The following TSPAN15 variants were observed in gnomAD, a reference collection of about 807,000 sequenced individuals.
The protein encoded by TSPAN15 is tetraspanin 15.
A neutral mutation model predicts 34.5 loss-of-function variants in TSPAN15; 20 were observed. That is an observed-to-expected ratio of 0.58 (90% confidence interval 0.41 to 0.84). The LOEUF (loss-of-function observed/expected upper bound fraction) is 0.84. Ranked by LOEUF, TSPAN15 falls within the 40% of genes least tolerant of loss-of-function variation. The probability of loss-of-function intolerance (pLI) is 0.00; values close to 1 mark genes in which losing one functional copy is unlikely to be tolerated. For missense variants in TSPAN15, 313 were observed against 386.1 expected (o/e 0.81, Z 1.59); for synonymous variants, 155 against 153.9 (o/e 1.01, Z -0.05).
the TSPAN15 span, among the ~76,000 whole-genome samples, chr10:69,539,545 G>A: frequency 0.29 from 16,724 of 58,650 alleles, 2,306 homozygotes; most frequent in East Asian, 0.38. Context: ...GAAGGAGAAG[G>A]AGAAGGAGAA....
the TSPAN15 span, among the ~76,000 whole-genome samples, chr10:69,520,655 CA>C: frequency 6.6e-6 from 1 of 152,054 alleles, no homozygotes; most frequent in Admixed American, 6.5e-5. Flanking sequence ...GACCTTGTCT[CA>C]AAAACAAACA....
At chr10:69,484,183 A>G (rs1232322616) in intron 2 of TSPAN15, 1 of 264,362 alleles carries the variant, frequency 3.8e-6, no homozygotes, top group Admixed American at 4.8e-5. Flanking sequence ...GATGGTAGTG[A>G]GTCATTAGCT....
chr10:69,454,777 A>G (rs1047537223), intron 1 of TSPAN15, among the ~76,000 whole-genome samples: 1 of 152,200 alleles, frequency 6.6e-6, no homozygotes. Context: ...AGATTGTGCC[A>G]CTGCACTCCA....
At chr10:69,545,422 C>T in the TSPAN15 span, among the ~76,000 whole-genome samples, 2 of 152,180 alleles carry the variant, frequency 1.3e-5, no homozygotes, top group Non-Finnish European at 2.9e-5. Flanking sequence ...CAGGGGCACC[C>T]CTAAGTCCTC....
intron 1 of TSPAN15, among the ~76,000 whole-genome samples, chr10:69,482,614 T>G (rs1841757606): frequency 6.6e-6 from 1 of 152,168 alleles, no homozygotes; most frequent in South Asian, 2.1e-4. Context: ...TTGTAGTGTT[T>G]CCACATTCAT....
chr10:69,462,155 G>GTTTTTTTTTTTTTTT (rs755068937), intron 1 of TSPAN15, among the ~76,000 whole-genome samples: 8 of 82,704 alleles, frequency 9.7e-5, no homozygotes, highest in East Asian at 3.2e-4. Flanking sequence ...TAATTTTAAA[G>GTTTTTTTTTTTTTTT]TTTTTTTTTT....
chr10:69,502,117 TCAGCAGAACATAC>T lies in TSPAN15; in HGVS notation c.571-2304_571-2292del, dbSNP rs531986142. ...ACATGGTCTGTTACATTGTTACTGT[TCAGCAGAACATAC>T]CAGCAGAACATACCAGTTCTTCAGG... On this transcript the variant is annotated intron_variant, in intron 5 of 7. Coordinates refer to ENST00000373290, the MANE Select transcript of TSPAN15 (RefSeq NM_012339.5). Among the ~76,000 whole-genome samples, 407 of 152,254 alleles carry T rather than the reference TCAGCAGAACATAC, an allele frequency of 2.7e-3. 2 individuals carry two copies. Among genetic ancestry groups the T allele is most frequent in the Non-Finnish European group, 4.4e-3 (300 of 68,020 alleles).
At position 69,498,278 on chromosome 10, in the gene TSPAN15, A is replaced by G. The variant is rs1368551899; in HGVS notation, c.454-2A>G. The G allele has an allele frequency of 6.2e-7, 1 of 1,613,628 alleles. No homozygotes were observed. ...CTCCTCTTTCCTGCTTGCTTCCCTCAGTTCAAGTGCTGTGGCGGGGAGGAC... is the reference window on the plus strand; with the variant it reads ...CTCCTCTTTCCTGCTTGCTTCCCTCGGTTCAAGTGCTGTGGCGGGGAGGAC... On this transcript the variant is annotated splice_acceptor_variant, in intron 4 of 7. Coordinates refer to ENST00000373290, the MANE Select transcript of TSPAN15 (RefSeq NM_012339.5). LOFTEE classifies it high-confidence loss of function.
the TSPAN15 span, among the ~76,000 whole-genome samples, chr10:69,530,820 C>CTATATATATA: frequency 8.8e-4 from 27 of 30,776 alleles, no homozygotes; most frequent in Non-Finnish European, 1.2e-3. Flanking sequence ...CTCTCTCTCT[C>CTATATATATA]TATATATATA....
At chr10:69,498,440 C>A (rs1842136030) in intron 5 of TSPAN15, 44 bp downstream of exon 5, 5 of 1,514,468 alleles carry the variant, frequency 3.3e-6, no homozygotes, top group African/African-American at 1.4e-5. Flanking sequence ...TCGGGGACCC[C>A]AGGTGGTATA....
chr10:69,460,815 G>A (rs1841235978), intron 1 of TSPAN15, among the ~76,000 whole-genome samples: 1 of 152,134 alleles, frequency 6.6e-6, no homozygotes. Flanking sequence ...GAGAGGGAGG[G>A]CGGGCTACAG....
At chr10:69,502,220 G>A (rs550568879) in intron 5 of TSPAN15, among the ~76,000 whole-genome samples, 33 of 152,172 alleles carry the variant, frequency 2.2e-4, no homozygotes, top group Non-Finnish European at 3.8e-4. Flanking sequence ...TCCAATAGAG[G>A]ATTTGAGCCA....
chr10:69,480,611 CTTTT>C (rs1316405089), intron 1 of TSPAN15, among the ~76,000 whole-genome samples: 1 of 152,154 alleles, frequency 6.6e-6, no homozygotes, highest in African/African-American at 2.4e-5. Flanking sequence ...CCTCAGGGCT[CTTTT>C]ATTTGTCCAG....
the TSPAN15 span, among the ~76,000 whole-genome samples, chr10:69,539,175 C>T: frequency 1.3e-5 from 2 of 151,844 alleles, no homozygotes; most frequent in Non-Finnish European, 2.9e-5. Context: ...TGTATGTTCT[C>T]ATGTATAGGT....
At chr10:69,546,827 C>G in the TSPAN15 span, among the ~76,000 whole-genome samples, 2 of 152,112 alleles carry the variant, frequency 1.3e-5, no homozygotes, top group Non-Finnish European at 2.9e-5. Flanking sequence ...CAAACCCAGT[C>G]TCACAAAAAT....
downstream of TSPAN15, among the ~76,000 whole-genome samples, chr10:69,508,340 C>T (rs1291569767): frequency 2.1e-5 from 3 of 144,402 alleles, no homozygotes; most frequent in Non-Finnish European, 4.5e-5. Flanking sequence ...ACTCAGGAGG[C>T]TGAGGCAGGA....
chr10:69,532,849 C>T, the TSPAN15 span, among the ~76,000 whole-genome samples: 2 of 152,084 alleles, frequency 1.3e-5, no homozygotes, highest in African/African-American at 4.8e-5. Flanking sequence ...AGCAAACAAT[C>T]CCATCAAAAA....
At chr10:69,531,926 CAAACA>C in the TSPAN15 span, among the ~76,000 whole-genome samples, 1 of 124,786 alleles carries the variant, frequency 8.0e-6, no homozygotes, top group Non-Finnish European at 1.7e-5. Flanking sequence ...AACAAACAAA[CAAACA>C]AAACAAAACA....
At chr10:69,526,398 C>T in the TSPAN15 span, among the ~76,000 whole-genome samples, 2 of 148,142 alleles carry the variant, frequency 1.4e-5, 1 homozygote, top group African/African-American at 4.9e-5. Context: ...GATATTTCCC[C>T]AAGGAAGATA....
Sources: allele counts gnomAD v4.1 joint callset (sites outside exome capture counted in the v4.1 genomes callset), GRCh38; gene constraint gnomAD v4.1.1; transcripts MANE v1.5; gene names NCBI Gene and HGNC (gene_info 2026-07-23, HGNC 2026-07-21).